The following SMOC1 variants were observed in gnomAD, a reference collection of about 807,000 sequenced individuals.
SMOC1 encodes the protein SPARC related modular calcium binding 1, also known as SPARC-related modular calcium-binding protein 1.
SMOC1 carries 22 observed loss-of-function variants against 56.3 expected under a neutral mutation model. The ratio of observed to expected loss-of-function variants is 0.39; its 90% CI spans 0.28 to 0.56. The LOEUF is 0.56. SMOC1 is among the 20% of genes least tolerant of loss of function. The pLI, the probability that SMOC1 is intolerant of heterozygous loss-of-function variation, is 0.61. For synonymous variants in SMOC1, 193 were observed against 215.0 expected, an observed-to-expected ratio of 0.90 and a Z score of 0.89; for missense variants, 509 against 565.4, an observed-to-expected ratio of 0.90 and a Z score of 1.01.
intron 3 of SMOC1, 92 bp from the exon 4 acceptor site, chr14:69,975,623 C>T (rs564341905): frequency 9.4e-5 from 88 of 933,402 alleles, no homozygotes; most frequent in East Asian, 5.5e-4. Flanking sequence ...GCTCTTTCAC[C>T]GTATGGGTGA....
chr14:69,939,892 A>C (rs993043215), intron 1 of SMOC1, among the ~76,000 whole-genome samples: 10 of 152,158 alleles, frequency 6.6e-5, no homozygotes, highest in Non-Finnish European at 1.5e-4. Flanking sequence ...GGTCCAGGTG[A>C]GTGGGACTAT....
chr14:69,907,762 G>C (rs575796656), intron 1 of SMOC1, among the ~76,000 whole-genome samples: 1 of 152,330 alleles, frequency 6.6e-6, no homozygotes, highest in Non-Finnish European at 1.5e-5. Flanking sequence ...AGTTCTGGAG[G>C]CTGGAAGTCC....
intron 1 of SMOC1, among the ~76,000 whole-genome samples, chr14:69,887,022 A>G (rs1193754303): frequency 1.3e-5 from 2 of 152,172 alleles, no homozygotes; most frequent in Non-Finnish European, 2.9e-5. Context: ...CCCAGGAGAA[A>G]CTCATGTCCT....
intron 1 of SMOC1, among the ~76,000 whole-genome samples, chr14:69,950,439 A>G (rs1418175411): frequency 6.6e-6 from 1 of 152,192 alleles, no homozygotes; most frequent in Non-Finnish European, 1.5e-5. Context: ...TATTTGCTTC[A>G]CACAAAGGGC....
chr14:69,964,380 C>CTTT (rs57468516), intron 3 of SMOC1, among the ~76,000 whole-genome samples: 4 of 139,142 alleles, frequency 2.9e-5, no homozygotes, highest in Non-Finnish European at 4.6e-5. Context: ...CTCTGGTATT[C>CTTT]TTTTTTTTTT....
intron 1 of SMOC1, among the ~76,000 whole-genome samples, chr14:69,883,945 G>A (rs1248475292): frequency 8.0e-6 from 1 of 124,238 alleles, no homozygotes; most frequent in African/African-American, 3.2e-5. Flanking sequence ...TGTCGCCCAG[G>A]CCGGACTGCG....
At chr14:69,899,080 G>C (rs1222036599) in intron 1 of SMOC1, among the ~76,000 whole-genome samples, 1 of 152,122 alleles carries the variant, frequency 6.6e-6, no homozygotes, top group Non-Finnish European at 1.5e-5. Flanking sequence ...GGGTGGGCTG[G>C]AGTTTATTTC....
Position 70,032,198 on chromosome 14 carries a change from A to G in SMOC1, c.*1940A>G, listed in dbSNP as rs1347009185. 1 of 152,290 alleles carries G rather than the reference A, an allele frequency of 6.6e-6. No individual in the cohort carries two copies. The highest frequency in any genetic ancestry group is 1.9e-4 in the East Asian group (1 of 5,194). The allele number at this position is 152,290 out of a possible 1,614,324, so 9.4% of individuals were successfully genotyped here. A position where few individuals can be genotyped will look rare whatever the true frequency, so the allele number is the denominator to read the frequency against. On this transcript the variant is annotated 3_prime_UTR_variant, in exon 12 of 12. Coordinates refer to ENST00000361956, the MANE Select transcript of SMOC1 (RefSeq NM_001034852.3). Reference sequence around the variant, plus strand: ...TCAGGCCTGGAGGAAGCATGCACACATGGAGACGGCGCCTGCCTGTAGATG... The same window carrying G: ...TCAGGCCTGGAGGAAGCATGCACACGTGGAGACGGCGCCTGCCTGTAGATG...
chr14:69,945,298 G>A (rs1882740663), intron 1 of SMOC1, among the ~76,000 whole-genome samples: 1 of 152,192 alleles, frequency 6.6e-6, no homozygotes, highest in Non-Finnish European at 1.5e-5. Flanking sequence ...GAGTGCCAAG[G>A]AAGCTAATGG....
intron 1 of SMOC1, among the ~76,000 whole-genome samples, chr14:69,928,612 CA>C (rs899296410): frequency 5.1e-5 from 4 of 79,088 alleles, no homozygotes; most frequent in Non-Finnish European, 8.4e-5. Context: ...TAGAGGTGCT[CA>C]TTGGGGGGGG....
Position 69,955,918 on chromosome 14 carries a change from G to A in SMOC1, c.378+2386G>A, listed in dbSNP as rs551592843. 9.8e-5 allele frequency among the ~76,000 whole-genome samples: 15 copies of A among 152,322 alleles called. No individual in the cohort carries two copies. The South Asian group carries it at 3.1e-3, about 32-fold the overall frequency. On this transcript the variant is annotated intron_variant, in intron 3 of 11. Transcript: ENST00000361956. ...AAGGTAAAGGAGGAGAGTGGAGTTT[G>A]TGGCCATCGGCTTTTTCTTTCTCCA...
intron 10 of SMOC1, among the ~76,000 whole-genome samples, chr14:70,014,832 G>T (rs537030782): frequency 6.6e-6 from 1 of 152,220 alleles, no homozygotes; most frequent in African/African-American, 2.4e-5. Context: ...ATAAGGCAAG[G>T]AATGCCACAA....
chr14:70,029,059 C>T (rs1886038780), intron 11 of SMOC1, among the ~76,000 whole-genome samples: 1 of 152,184 alleles, frequency 6.6e-6, no homozygotes, highest in African/African-American at 2.4e-5. Flanking sequence ...GGTTCTAGCT[C>T]CCAGGCTGTA....
chr14:69,929,461 G>A (rs1432025654), intron 1 of SMOC1, among the ~76,000 whole-genome samples: 2 of 152,236 alleles, frequency 1.3e-5, no homozygotes, highest in African/African-American at 4.8e-5. Context: ...CATGCGGCAA[G>A]TAAGTCATAG....
chr14:69,970,745 G>A (rs1165935310), intron 3 of SMOC1, among the ~76,000 whole-genome samples: 1 of 152,192 alleles, frequency 6.6e-6, no homozygotes, highest in Non-Finnish European at 1.5e-5. Flanking sequence ...ACCCCCAGGA[G>A]CTGAGGTTTC....
At chr14:70,018,579 C>T (rs1885601668) in intron 10 of SMOC1, among the ~76,000 whole-genome samples, 1 of 152,174 alleles carries the variant, frequency 6.6e-6, no homozygotes, top group African/African-American at 2.4e-5. Flanking sequence ...AGGCAGTGTT[C>T]CCCCTTAGAA....
intron 1 of SMOC1, among the ~76,000 whole-genome samples, chr14:69,924,673 A>T (rs1210875463): frequency 1.1e-5 from 1 of 94,162 alleles, no homozygotes; most frequent in Non-Finnish European, 2.2e-5. Context: ...GGAGCTAGGG[A>T]AGGTAAGGGA....
chr14:70,011,456 C>T (rs1566710143), intron 8 of SMOC1, 29 bp from the exon 9 acceptor site: 2 of 1,347,208 alleles, frequency 1.5e-6, no homozygotes, highest in Admixed American at 1.7e-5. Flanking sequence ...CAGCCCCTCC[C>T]AACCCCCCCC....
At chr14:69,905,116 T>A (rs1884371961) in intron 1 of SMOC1, among the ~76,000 whole-genome samples, 1 of 152,048 alleles carries the variant, frequency 6.6e-6, no homozygotes, top group South Asian at 2.1e-4. Context: ...GATAACATCA[T>A]GTGAAAATGT....
Sources: gnomAD v4.1 joint callset for allele counts (sites outside exome capture counted in the v4.1 genomes callset) on GRCh38, gnomAD v4.1.1 for gene constraint, MANE v1.5 for transcripts, NCBI Gene and HGNC (gene_info 2026-07-23, HGNC 2026-07-21) for gene names.